Variants in LMX1A observed in about 807,000 individuals in gnomAD.
The protein encoded by LMX1A is LIM homeobox transcription factor 1 alpha, also known as LIM homeobox transcription factor 1-alpha.
In LMX1A, 15 loss-of-function variants were observed where a neutral mutation model predicts 49.1. The ratio of observed to expected loss-of-function variants is 0.31; its 90% CI spans 0.20 to 0.47. The LOEUF is 0.47. LMX1A is among the 20% of genes least tolerant of loss of function. LMX1A has a pLI of 1.00. For missense variants in LMX1A, 372 were observed against 475.8 expected (o/e 0.78, Z 2.03); for synonymous variants, 167 against 185.7 (o/e 0.90, Z 0.82).
At chr1:165,317,017 C>T (rs918807999) in intron 3 of LMX1A, among the ~76,000 whole-genome samples, 2 of 152,170 alleles carry the variant, frequency 1.3e-5, no homozygotes, top group East Asian at 3.8e-4. Flanking sequence ...GGAACTGATA[C>T]TTGTAAATGG....
In LMX1A at chr1:165,282,771, C is replaced by T. The variant is rs1003873410; in HGVS notation, c.264-33131G>A. 5.3e-5 allele frequency among the ~76,000 whole-genome samples: 8 copies of T among 152,302 alleles called. No individual in the cohort carries two copies. The East Asian group carries it at 1.5e-3, about 29-fold the overall frequency. On this transcript the variant is annotated intron_variant, in intron 3 of 8. Transcript: ENST00000342310. ...TAAGTCTTCAACCAGTCCTTCTAGG[C>T]CTCCAAATCATGTACGGAGTTCCTG...
intron 3 of LMX1A, among the ~76,000 whole-genome samples, chr1:165,269,605 T>A (rs1301964689): frequency 6.6e-6 from 1 of 152,270 alleles, no homozygotes; most frequent in Non-Finnish European, 1.5e-5. Context: ...CTATGTTCAT[T>A]GCAGAACTAT....
intron 8 of LMX1A, 128 bp downstream of exon 8, chr1:165,205,735 AT>A (rs987327222): frequency 8.5e-6 from 7 of 827,286 alleles, no homozygotes; most frequent in Non-Finnish European, 1.4e-5. Context: ...TTCTGGCAGT[AT>A]TTTGTAGGGC....
rs563910922 is a variant in LMX1A at position 165,208,262 on chromosome 1, A to G, written c.748-130T>C. 2.8e-4 allele frequency: 211 copies of G among 750,836 alleles called. 1 individual carries two copies. Among genetic ancestry groups the G allele is most frequent in the Non-Finnish European group, 4.1e-4 (185 of 449,384 alleles). 46.5% of individuals were successfully genotyped at this position (750,836 alleles called of 1,614,324 possible). A position where few individuals can be genotyped will look rare whatever the true frequency, so the allele number is the denominator to read the frequency against. ...GGCAAAGCTCTGGCTCTTACTTAGT[A>G]AAGGAGCAACAGTGGCCAGCCCCAT... On this transcript the variant is annotated intron_variant, in intron 6 of 8. Coordinates refer to ENST00000342310, the MANE Select transcript of LMX1A (RefSeq NM_177398.4).
At chr1:165,284,189 C>A (rs1036307625) in intron 3 of LMX1A, among the ~76,000 whole-genome samples, 4 of 152,216 alleles carry the variant, frequency 2.6e-5, no homozygotes, top group Admixed American at 2.0e-4. Flanking sequence ...GTAATATCAG[C>A]CTTGCCCACC....
intron 4 of LMX1A, among the ~76,000 whole-genome samples, chr1:165,231,771 T>C (rs1652248607): frequency 8.3e-6 from 1 of 120,192 alleles, no homozygotes; most frequent in South Asian, 4.0e-4. Flanking sequence ...CAGACCTTTA[T>C]TTTTACCTGT....
At chr1:165,295,882 G>A (rs145756185) in intron 3 of LMX1A, among the ~76,000 whole-genome samples, 1 of 152,182 alleles carries the variant, frequency 6.6e-6, no homozygotes, top group East Asian at 1.9e-4. Flanking sequence ...CGAACATATG[G>A]GCCTGGAATC....
chr1:165,343,283 A>T (rs911288176), intron 3 of LMX1A, among the ~76,000 whole-genome samples: 1 of 152,072 alleles, frequency 6.6e-6, no homozygotes, highest in Non-Finnish European at 1.5e-5. Context: ...ACAGCGGGAC[A>T]AGGATTTGAT....
intron 4 of LMX1A, among the ~76,000 whole-genome samples, chr1:165,246,754 T>C (rs951310470): frequency 6.9e-5 from 8 of 115,224 alleles, no homozygotes; most frequent in Admixed American, 1.6e-4. Flanking sequence ...ATCCTAAACA[T>C]ACACAATTCC....
intron 3 of LMX1A, among the ~76,000 whole-genome samples, chr1:165,260,539 A>G (rs1393412105): frequency 1.3e-5 from 2 of 152,188 alleles, no homozygotes; most frequent in Non-Finnish European, 2.9e-5. Context: ...ACTTTTTTTA[A>G]AGCCATAGTG....
At chr1:165,240,965 C>A (rs1176983339) in intron 4 of LMX1A, among the ~76,000 whole-genome samples, 2 of 152,180 alleles carry the variant, frequency 1.3e-5, no homozygotes, top group Non-Finnish European at 2.9e-5. Flanking sequence ...GTTTTCTGGT[C>A]TATTAAAGAA....
At chr1:165,321,791 G>A (rs1025045932) in intron 3 of LMX1A, among the ~76,000 whole-genome samples, 5 of 151,954 alleles carry the variant, frequency 3.3e-5, no homozygotes, top group East Asian at 3.8e-4. Flanking sequence ...TTTCTGCATC[G>A]AAAGACACAA....
chr1:165,222,215 G>C (rs1297722682), intron 4 of LMX1A, among the ~76,000 whole-genome samples: 1 of 152,118 alleles, frequency 6.6e-6, no homozygotes. Context: ...GTTTTGTTTT[G>C]ATTTGGCCAG....
At chr1:165,330,468 C>T (rs1468160893) in intron 3 of LMX1A, among the ~76,000 whole-genome samples, 2 of 152,218 alleles carry the variant, frequency 1.3e-5, no homozygotes, top group Non-Finnish European at 2.9e-5. Flanking sequence ...AAGACCTTGT[C>T]TCAAAAATAA....
chr1:165,280,632 T>C (rs1269039715), intron 3 of LMX1A, among the ~76,000 whole-genome samples: 1 of 152,232 alleles, frequency 6.6e-6, no homozygotes, highest in African/African-American at 2.4e-5. Context: ...TTAGTATTCA[T>C]GCACCCATAC....
In LMX1A at chr1:165,292,041, G is replaced by A. The variant is rs148292711; in HGVS notation, c.264-42401C>T. Among the ~76,000 whole-genome samples the A allele has an allele frequency of 1.5e-3, 196 of 128,832 alleles. 3 individuals carry two copies. The East Asian group carries it at 0.017, about 11-fold the overall frequency. The allele number at this position is 128,832 out of a possible 152,430, so 84.5% of individuals were successfully genotyped here. On this transcript the variant is annotated intron_variant, in intron 3 of 8. Coordinates refer to ENST00000342310, the MANE Select transcript of LMX1A (RefSeq NM_177398.4). ...CGCGCCACTGCACTCCAGCCTGGGC[G>A]ACAGAGCGAAACTCCGTCTCAAAAA... is the stretch of plus-strand genomic sequence containing the variant.
rs199924579 is a variant in LMX1A at position 165,208,137 on chromosome 1, T to C, written c.748-5A>G. On this transcript the variant is annotated splice_region_variant and splice_polypyrimidine_tract_variant and intron_variant, in intron 6 of 8. Coordinates refer to ENST00000342310, the MANE Select transcript of LMX1A (RefSeq NM_177398.4). ...TCGCCTGGCCAGCTTCTTCATCTGA[T>C]AAGGAGAGGACCATAGGATTAGAAG... The C allele has an allele frequency of 5.6e-5, 90 of 1,613,752 alleles. 1 individual carries two copies. The East Asian group carries it at 1.9e-3, about 34-fold the overall frequency.
chr1:165,308,821 T>C (rs1186206886), intron 3 of LMX1A, among the ~76,000 whole-genome samples: 1 of 152,182 alleles, frequency 6.6e-6, no homozygotes, highest in East Asian at 1.9e-4. Flanking sequence ...TCCCAGTCTC[T>C]GCCTCAGAAG....
At position 165,303,495 on chromosome 1, in the gene LMX1A, G is replaced by A. The variant is rs1654841517; in HGVS notation, c.263+49581C>T. ...AAAAGCACAAGACAGATGAGAAGGGGGAAGTACATTCCTCAGCTGGAAGAG... is the reference window on the plus strand; with the variant it reads ...AAAAGCACAAGACAGATGAGAAGGGAGAAGTACATTCCTCAGCTGGAAGAG... On this transcript the variant is annotated intron_variant, in intron 3 of 8. Transcript: ENST00000342310. Among the ~76,000 whole-genome samples the A allele has an allele frequency of 2.0e-5, 3 of 152,220 alleles. No individual in the cohort carries two copies. In the South Asian group the frequency reaches 6.2e-4, roughly 32 times the overall value.
Sources: allele counts gnomAD v4.1 joint callset (sites outside exome capture counted in the v4.1 genomes callset), GRCh38; gene constraint gnomAD v4.1.1; transcripts MANE v1.5; gene names NCBI Gene and HGNC (gene_info 2026-07-23, HGNC 2026-07-21).